The following ADCY9 variants were observed in gnomAD, a reference collection of about 807,000 sequenced individuals.
ADCY9 encodes the protein adenylate cyclase 9, also known as adenylate cyclase type 9.
A neutral mutation model predicts 101.5 loss-of-function variants in ADCY9; 50 were observed. The observed-to-expected ratio is 0.49, with a 90% CI of 0.39 to 0.62. The LOEUF is 0.62. ADCY9 is among the 20% of genes least tolerant of loss of function. The pLI, the probability that ADCY9 is intolerant of heterozygous loss-of-function variation, is 0.00. For synonymous variants in ADCY9, 905 were observed against 769.3 expected (o/e 1.18, Z -2.92); for missense variants, 1,662 against 1,800.4 (o/e 0.92, Z 1.39).
rs374331023 is a variant in ADCY9 at position 3,989,107 on chromosome 16, C to T, written c.2208-11G>A. The T allele has an allele frequency of 6.3e-7, 1 of 1,589,724 alleles. No homozygotes were observed. Among genetic ancestry groups the T allele is most frequent in the Non-Finnish European group, 8.6e-7 (1 of 1,158,012 alleles). On this transcript the variant is annotated splice_polypyrimidine_tract_variant and intron_variant, in intron 5 of 10. Coordinates refer to ENST00000294016, the MANE Select transcript of ADCY9 (RefSeq NM_001116.4). ...TAATCTTTCATCAGGCTAGAAGACA[C>T]AACAAATGCAGTCGATCAATACCCA...
chr16:4,055,023 A>C (rs937511000), intron 2 of ADCY9, among the ~76,000 whole-genome samples: 2 of 152,120 alleles, frequency 1.3e-5, no homozygotes, highest in Non-Finnish European at 2.9e-5. Flanking sequence ...CAACACACTC[A>C]CACCTCAAAA....
At chr16:4,055,659 C>G (rs1363452716) in intron 2 of ADCY9, among the ~76,000 whole-genome samples, 1 of 152,038 alleles carries the variant, frequency 6.6e-6, no homozygotes, top group African/African-American at 2.4e-5. Context: ...CGGTGAAACC[C>G]CGTCTCTACT....
intron 9 of ADCY9, among the ~76,000 whole-genome samples, chr16:3,976,401 C>T (rs1357521922): frequency 6.6e-6 from 1 of 152,206 alleles, no homozygotes; most frequent in Non-Finnish European, 1.5e-5. Flanking sequence ...GCACCTATCA[C>T]TGCCATCCTG....
chr16:3,977,255 C>G (rs1237511507), intron 9 of ADCY9, among the ~76,000 whole-genome samples: 2 of 152,228 alleles, frequency 1.3e-5, no homozygotes, highest in Non-Finnish European at 2.9e-5. Flanking sequence ...CATTCAACTA[C>G]CCAGAGTGCT....
chr16:4,014,090 G>A (rs1021491497), intron 2 of ADCY9, among the ~76,000 whole-genome samples: 2 of 152,072 alleles, frequency 1.3e-5, no homozygotes, highest in East Asian at 3.9e-4. Flanking sequence ...AGGCCGAGAC[G>A]GGAGCATCAG....
chr16:3,988,060 G>A (rs779702732), intron 6 of ADCY9, among the ~76,000 whole-genome samples: 1 of 152,084 alleles, frequency 6.6e-6, no homozygotes, highest in East Asian at 1.9e-4. Context: ...GGAGGAGAGA[G>A]ACGGGGGTCC....
At position 3,966,064 on chromosome 16, in the gene ADCY9, A is replaced by T. The variant is rs753481552; in HGVS notation, c.3773T>A (p.Ile1258Asn). Residue 1258 changes from isoleucine (I) to asparagine (N), a missense_variant, in exon 11 of 11, where the codon ATC becomes AAC. By Grantham distance (149) the Ile-to-Asn change is moderately radical. Around this residue, in one of 5 missense-constraint regions of ADCY9, gnomAD observed 168 missense variants for 155.3 expected, o/e 1.08. Coordinates refer to ENST00000294016, the MANE Select transcript of ADCY9 (RefSeq NM_001116.4). ...CACCTGGACGCGGATGTCTGGGGAG[A>T]TGGACAGCTGGTGCTGTGGGATGAC... ...HRVIPQHQLS[I>N]SPDIRVQVDG... The T allele has an allele frequency of 6.2e-7, 1 of 1,614,118 alleles. No homozygotes were observed. The highest frequency in any genetic ancestry group is 8.5e-7 in the Non-Finnish European group (1 of 1,180,004).
At chr16:4,101,950 C>G (rs1327381954) in intron 2 of ADCY9, among the ~76,000 whole-genome samples, 1 of 152,138 alleles carries the variant, frequency 6.6e-6, no homozygotes, top group Non-Finnish European at 1.5e-5. Flanking sequence ...TAGAGTTTAA[C>G]CAGGGCGAGC....
intron 3 of ADCY9, among the ~76,000 whole-genome samples, chr16:3,993,861 T>C (rs747612229): frequency 5.9e-5 from 9 of 152,290 alleles, no homozygotes; most frequent in African/African-American, 1.9e-4. Context: ...GAAAACATTA[T>C]GCTCGGGGAG....
At position 4,114,937 on chromosome 16, in the gene ADCY9, G is replaced by T; in HGVS notation, c.506C>A (p.Ala169Asp). ...CAGCGAGGTCCACGCGTAATGCCGG[G>T]CGTACAGCTTGGTGAAGGTAAACAG... ...FFLFTFTKLY[A>D]RHYAWTSLAL... Residue 169 changes from alanine (A) to aspartate (D), a missense_variant, in exon 2 of 11, where the codon GCC becomes GAC. Ala to Asp is a moderately radical substitution (Grantham distance 126, BLOSUM62 -2). Transcript: ENST00000294016. This position sits in a 1 kb window ranked among gnomAD's most constrained non-coding sequence, Gnocchi z 4.3. The T allele has an allele frequency of 6.2e-7, 1 of 1,613,966 alleles. No homozygotes were observed. Among genetic ancestry groups the T allele is most frequent in the Non-Finnish European group, 8.5e-7 (1 of 1,180,028 alleles).
rs2057146443 is a variant in ADCY9, at chr16:4,115,665, C to A, written c.-44+25G>T. The A allele has an allele frequency of 1.9e-5, 11 of 584,724 alleles. No homozygotes were observed. The highest frequency in any genetic ancestry group is 9.3e-4 in the Middle Eastern group (2 of 2,154). 36.2% of individuals were successfully genotyped at this position (584,724 alleles called of 1,614,324 possible). ...GCCCCCACCGCCCCCACCTTCGAGG[C>A]GCACGAGAACCGCTCGGGACGGACC... is the stretch of plus-strand genomic sequence containing the variant. On this transcript the variant is annotated intron_variant, in intron 1 of 10. Transcript: ENST00000294016. The surrounding 1 kb of genome is among the most constrained non-coding windows in gnomAD (Gnocchi z 6.2).
Position 4,016,418 on chromosome 16 carries a change from C to T in ADCY9, c.1694-8860G>A, listed in dbSNP as rs140937475. 1.3e-4 allele frequency among the ~76,000 whole-genome samples: 20 copies of T among 152,170 alleles called. No homozygotes were observed. In the East Asian group the frequency reaches 3.5e-3, roughly 26 times the overall value. ...ACAGCACCAAATGCACCAGATGCCA[C>T]AGACGGGAGGGAGGGGGATAGGTCA... On this transcript the variant is annotated intron_variant, in intron 2 of 10. Coordinates refer to ENST00000294016, the MANE Select transcript of ADCY9 (RefSeq NM_001116.4).
rs138430395 is a variant in ADCY9, at chr16:4,044,136, C to G, written c.1694-36578G>C. Among the ~76,000 whole-genome samples the G allele has an allele frequency of 6.8e-4, 103 of 152,236 alleles. 1 individual carries two copies. In the Middle Eastern group the frequency reaches 0.014, roughly 20 times the overall value. On this transcript the variant is annotated intron_variant, in intron 2 of 10. Coordinates refer to ENST00000294016, the MANE Select transcript of ADCY9 (RefSeq NM_001116.4). The stretch of plus-strand genomic sequence containing the variant: ...CCCAGGTGGGCGGATCACCTGAGAT[C>G]AGGAGTTCGACACCAGTCTAGCCAA...
chr16:3,979,756 C>T (rs1010065687), intron 7 of ADCY9, among the ~76,000 whole-genome samples: 5 of 152,228 alleles, frequency 3.3e-5, no homozygotes, highest in African/African-American at 9.6e-5. Context: ...ACAGAGCTGT[C>T]CTGCATGTGG....
At chr16:4,037,429 T>C (rs2056597336) in intron 2 of ADCY9, among the ~76,000 whole-genome samples, 1 of 152,158 alleles carries the variant, frequency 6.6e-6, no homozygotes, top group South Asian at 2.1e-4. Flanking sequence ...TCCCACTGCA[T>C]ATACATATAC....
intron 2 of ADCY9, among the ~76,000 whole-genome samples, chr16:4,033,735 G>C (rs896130295): frequency 2.0e-5 from 3 of 152,080 alleles, no homozygotes; most frequent in Non-Finnish European, 4.4e-5. Flanking sequence ...TATGTTCTTC[G>C]TCAGTTCATG....
intron 2 of ADCY9, among the ~76,000 whole-genome samples, chr16:4,025,598 T>C (rs750737627): frequency 6.6e-6 from 1 of 152,076 alleles, no homozygotes; most frequent in Non-Finnish European, 1.5e-5. Flanking sequence ...TTTGGAGAAG[T>C]CTGGCACGAG....
intron 2 of ADCY9, among the ~76,000 whole-genome samples, chr16:4,041,552 T>G (rs570779838): frequency 7.0e-6 from 1 of 143,150 alleles, no homozygotes; most frequent in African/African-American, 2.6e-5. Context: ...AACTTTTAAA[T>G]CTATTGCTAA....
chr16:4,026,468 C>G (rs547482316), intron 2 of ADCY9, among the ~76,000 whole-genome samples: 2 of 149,770 alleles, frequency 1.3e-5, no homozygotes, highest in African/African-American at 2.4e-5. Flanking sequence ...AATGACCATA[C>G]ACCCAGAAAC....
Sources: allele counts gnomAD v4.1 joint callset (sites outside exome capture counted in the v4.1 genomes callset), GRCh38; gene constraint gnomAD v4.1.1; regional missense constraint gnomAD v4.1.1; non-coding constraint Gnocchi (gnomAD v3.1); transcripts MANE v1.5; gene names NCBI Gene and HGNC (gene_info 2026-07-23, HGNC 2026-07-21).